The following LSAMP variants were observed in gnomAD, a reference collection of about 807,000 sequenced individuals.
LSAMP encodes the protein limbic system associated membrane protein, also known as limbic system-associated membrane protein.
LSAMP carries 7 observed loss-of-function variants against 38.6 expected under a neutral mutation model. That is an observed-to-expected ratio of 0.18 (90% CI 0.10 to 0.34). The LOEUF (loss-of-function observed/expected upper bound fraction) is 0.34, where lower values mean the gene tolerates loss of function less well. LSAMP is among the 10% of genes least tolerant of loss of function. The pLI, the probability that LSAMP is intolerant of heterozygous loss-of-function variation, is 1.00. For missense variants in LSAMP, 313 were observed against 420.0 expected, an observed-to-expected ratio of 0.75 and a Z score of 2.23; for synonymous variants, 154 against 166.8, an observed-to-expected ratio of 0.92 and a Z score of 0.59.
intron 1 of LSAMP, among the ~76,000 whole-genome samples, chr3:116,207,939 C>T (rs1483375501): frequency 1.0e-4 from 15 of 146,138 alleles, no homozygotes; most frequent in African/African-American, 2.3e-4. Flanking sequence ...TGAATCTGAA[C>T]GTTGGCCTGC....
At chr3:116,165,774 C>T (rs1710036427) in intron 1 of LSAMP, among the ~76,000 whole-genome samples, 1 of 152,132 alleles carries the variant, frequency 6.6e-6, no homozygotes, top group Non-Finnish European at 1.5e-5. Context: ...CTTAATGCTA[C>T]AAATATGCCA....
intron 1 of LSAMP, among the ~76,000 whole-genome samples, chr3:116,404,413 T>C (rs2048876549): frequency 6.6e-6 from 1 of 152,164 alleles, no homozygotes; most frequent in South Asian, 2.1e-4. Context: ...TAGATAGTTA[T>C]AGTAAACTAT....
intron 3 of LSAMP, among the ~76,000 whole-genome samples, chr3:115,872,692 T>C (rs1936076813): frequency 6.6e-6 from 1 of 152,162 alleles, no homozygotes; most frequent in Admixed American, 6.5e-5. Flanking sequence ...GTGCTAAGAA[T>C]TCTCACGTGA....
At chr3:115,923,818 T>A (rs1937437749) in intron 3 of LSAMP, among the ~76,000 whole-genome samples, 2 of 152,192 alleles carry the variant, frequency 1.3e-5, no homozygotes, top group South Asian at 4.1e-4. Context: ...TACCAGAGAA[T>A]TACTCCCCCT....
chr3:115,818,027 CTG>C (rs1934086207), intron 6 of LSAMP, among the ~76,000 whole-genome samples: 1 of 152,076 alleles, frequency 6.6e-6, no homozygotes, highest in Non-Finnish European at 1.5e-5. Context: ...CATGAGGAAA[CTG>C]AGGCCCAGAG....
chr3:115,832,825 G>T (rs948948004), intron 6 of LSAMP, among the ~76,000 whole-genome samples: 1 of 152,132 alleles, frequency 6.6e-6, no homozygotes, highest in African/African-American at 2.4e-5. Flanking sequence ...TCAAACTAGG[G>T]TCATTCTCCA....
At position 115,853,648 on chromosome 3, in the gene LSAMP, G is replaced by A. The variant is rs545209035; in HGVS notation, c.515-1031C>T. Among the ~76,000 whole-genome samples, 5 of 152,306 alleles carry A rather than the reference G, an allele frequency of 3.3e-5. No homozygotes were observed. The South Asian group carries it at 1.0e-3, about 32-fold the overall frequency. On this transcript the variant is annotated intron_variant, in intron 3 of 6. Transcript: ENST00000490035. Reference sequence around the variant, plus strand: ...GAAGGTGATTGAGGAAGGAGAAGGTGAAAGAGGAAAGAGAAGAGGAAATGA... The same window carrying A: ...GAAGGTGATTGAGGAAGGAGAAGGTAAAAGAGGAAAGAGAAGAGGAAATGA...
chr3:116,300,731 T>C (rs962493691), intron 1 of LSAMP, among the ~76,000 whole-genome samples: 17 of 152,196 alleles, frequency 1.1e-4, no homozygotes, highest in Admixed American at 1.0e-3. Context: ...CTACCCCAGT[T>C]TGTGGAAAAA....
chr3:115,953,443 A>AC (rs71141846), intron 3 of LSAMP, among the ~76,000 whole-genome samples: 11 of 141,810 alleles, frequency 7.8e-5, no homozygotes, highest in East Asian at 2.0e-4. Flanking sequence ...ACACACACAC[A>AC]ATGTCTAAAA....
At chr3:116,172,596 G>A (rs556891528) in intron 1 of LSAMP, among the ~76,000 whole-genome samples, 41 of 152,116 alleles carry the variant, frequency 2.7e-4, no homozygotes, top group Admixed American at 2.4e-3. Flanking sequence ...AAGAAAGATG[G>A]TAGCAATGTT....
intron 1 of LSAMP, among the ~76,000 whole-genome samples, chr3:116,182,286 A>G (rs1209405714): frequency 6.6e-6 from 1 of 151,798 alleles, no homozygotes; most frequent in East Asian, 1.9e-4. Context: ...TACATTTTCT[A>G]CAGTAAAATA....
At chr3:116,035,853 G>T (rs1941033598) in intron 2 of LSAMP, among the ~76,000 whole-genome samples, 1 of 152,182 alleles carries the variant, frequency 6.6e-6, no homozygotes, top group South Asian at 2.1e-4. Context: ...TATCTATGTT[G>T]CTTCTCGACA....
chr3:115,822,611 T>TG (rs1326451529), intron 6 of LSAMP, among the ~76,000 whole-genome samples: 1 of 152,096 alleles, frequency 6.6e-6, no homozygotes, highest in East Asian at 1.9e-4. Context: ...CTGCCCGCCT[T>TG]GGCCTCCCAA....
chr3:116,112,937 A>T (rs1367461940), intron 1 of LSAMP, among the ~76,000 whole-genome samples: 1 of 151,868 alleles, frequency 6.6e-6, no homozygotes, highest in Non-Finnish European at 1.5e-5. Flanking sequence ...CTTAAGTACT[A>T]ATGAGTTCAA....
intron 3 of LSAMP, among the ~76,000 whole-genome samples, chr3:115,898,169 A>G (rs192562507): frequency 2.5e-3 from 374 of 152,272 alleles, no homozygotes; most frequent in African/African-American, 8.6e-3. Flanking sequence ...CAAATTTTGG[A>G]TGATGATAAA....
intron 1 of LSAMP, among the ~76,000 whole-genome samples, chr3:116,352,673 A>C (rs369126370): frequency 6.6e-6 from 1 of 152,166 alleles, no homozygotes; most frequent in African/African-American, 2.4e-5. Flanking sequence ...ACTGAAAGTT[A>C]TCTCGTTAAT....
At chr3:115,940,116 G>A (rs1277942290) in intron 3 of LSAMP, among the ~76,000 whole-genome samples, 1 of 151,946 alleles carries the variant, frequency 6.6e-6, no homozygotes, top group African/African-American at 2.4e-5. Context: ...TCGTGGTCTT[G>A]CTGACTTCAG....
chr3:116,191,656 G>A (rs1576422224), intron 1 of LSAMP, among the ~76,000 whole-genome samples: 3 of 151,486 alleles, frequency 2.0e-5, no homozygotes, highest in Admixed American at 6.6e-5. Flanking sequence ...CTAGTTTCCG[G>A]GTTTAGCTCT....
At chr3:115,874,429 C>T (rs759328261) in intron 3 of LSAMP, among the ~76,000 whole-genome samples, 6 of 152,018 alleles carry the variant, frequency 3.9e-5, no homozygotes, top group South Asian at 2.1e-4. Flanking sequence ...TTTGTTCATG[C>T]GGTGATTGTA....
Sources: gnomAD v4.1 joint callset for allele counts (sites outside exome capture counted in the v4.1 genomes callset) on GRCh38, gnomAD v4.1.1 for gene constraint, MANE v1.5 for transcripts, NCBI Gene and HGNC (gene_info 2026-07-23, HGNC 2026-07-21) for gene names.